The following SCG5 variants were observed in gnomAD, a reference collection of about 807,000 sequenced individuals.
SCG5 encodes neuroendocrine protein 7B2.
SCG5 carries 18 observed loss-of-function variants against 25.7 expected under a neutral mutation model. The observed-to-expected ratio is 0.70, with a 90% CI of 0.48 to 1.04. The LOEUF is 1.04. Ranked by LOEUF, SCG5 falls within the 50% of genes least tolerant of loss-of-function variation. The pLI is 0.00. For missense variants in SCG5, 206 were observed against 259.8 expected, an observed-to-expected ratio of 0.79 and a Z score of 1.42; for synonymous variants, 101 against 91.7, an observed-to-expected ratio of 1.10 and a Z score of -0.58.
chr15:32,695,055 G>A (rs1030334387), intron 5 of SCG5, among the ~76,000 whole-genome samples: 7 of 145,884 alleles, frequency 4.8e-5, no homozygotes, highest in Admixed American at 1.4e-4. Context: ...TCGCTCTGTC[G>A]CCCAGGCTGG....
intron 2 of SCG5, among the ~76,000 whole-genome samples, chr15:32,663,872 C>T (rs924392718): frequency 1.3e-5 from 2 of 152,242 alleles, no homozygotes; most frequent in African/African-American, 4.8e-5. Flanking sequence ...TTCGCCACAT[C>T]TACACTGCAA....
chr15:32,666,804 T>C (rs929462860), intron 2 of SCG5, among the ~76,000 whole-genome samples: 4 of 152,240 alleles, frequency 2.6e-5, no homozygotes, highest in African/African-American at 9.6e-5. Context: ...GTTTTACAGA[T>C]GAGGTCATAC....
At position 32,649,713 on chromosome 15, in the gene SCG5, T is replaced by C. The variant is rs1331104213; in HGVS notation, c.226+5895T>C. On this transcript the variant is annotated intron_variant, in intron 2 of 5. Transcript: ENST00000300175. ...TAAAAACAGCTTGGTAAGGAGCATC[T>C]TTCAAATGTGTAAATTCTTAGTCCA... Among the ~76,000 whole-genome samples, 3 of 152,090 alleles carry C rather than the reference T, an allele frequency of 2.0e-5. No homozygotes were observed. In the East Asian group the frequency reaches 5.8e-4, roughly 29 times the overall value.
chr15:32,686,648 T>C (rs993085279), intron 4 of SCG5, among the ~76,000 whole-genome samples: 1 of 151,378 alleles, frequency 6.6e-6, no homozygotes, highest in African/African-American at 2.4e-5. Flanking sequence ...TGGGAAGAGA[T>C]CCACAAGAGG....
chr15:32,696,283 A>T (rs978937750), intron 5 of SCG5, among the ~76,000 whole-genome samples: 170 of 151,894 alleles, frequency 1.1e-3, no homozygotes, highest in African/African-American at 3.9e-3. Context: ...ACGCCCGGCT[A>T]ATTTTTTGTA....
chr15:32,661,514 G>A (rs1486099159), intron 2 of SCG5, among the ~76,000 whole-genome samples: 1 of 152,170 alleles, frequency 6.6e-6, no homozygotes, highest in Non-Finnish European at 1.5e-5. Context: ...CAGCTACTAG[G>A]GAGGCTGAGG....
chr15:32,684,988 G>A (rs2054680874), intron 4 of SCG5, among the ~76,000 whole-genome samples: 1 of 152,090 alleles, frequency 6.6e-6, no homozygotes, highest in Non-Finnish European at 1.5e-5. Flanking sequence ...CATCTCTATA[G>A]GGTTTTATCA....
At chr15:32,692,263 C>T (rs2054872839) in intron 5 of SCG5, 1 of 987,450 alleles carries the variant, frequency 1.0e-6, no homozygotes, top group Admixed American at 6.1e-5. Context: ...ATCTTTTTTT[C>T]TTGGCCTAGC....
intron 2 of SCG5, among the ~76,000 whole-genome samples, chr15:32,669,577 G>C (rs978776491): frequency 6.6e-6 from 1 of 152,160 alleles, no homozygotes; most frequent in African/African-American, 2.4e-5. Flanking sequence ...GACATGCTTA[G>C]CCTTCATACA....
At chr15:32,680,554 A>G (rs1295886459) in intron 3 of SCG5, among the ~76,000 whole-genome samples, 3 of 152,018 alleles carry the variant, frequency 2.0e-5, no homozygotes, top group Non-Finnish European at 4.4e-5. Context: ...TTTCCATGAT[A>G]CAACTTCTGC....
chr15:32,651,345 A>G (rs2054028591), intron 2 of SCG5, among the ~76,000 whole-genome samples: 1 of 152,246 alleles, frequency 6.6e-6, no homozygotes, highest in African/African-American at 2.4e-5. Context: ...GGCTACTTGA[A>G]GAGGCAGATC....
chr15:32,649,685 C>G (rs2054002224), intron 2 of SCG5, among the ~76,000 whole-genome samples: 1 of 151,890 alleles, frequency 6.6e-6, no homozygotes, highest in Admixed American at 6.6e-5. Context: ...TCCGTGGGCG[C>G]CTTAAAAACA....
chr15:32,679,630 G>T, intron 2 of SCG5, 136 bp from the exon 3 acceptor site: 1 of 925,084 alleles, frequency 1.1e-6, no homozygotes. Flanking sequence ...ACCCCTAGAG[G>T]GCAAGAACCA....
At chr15:32,665,085 A>G (rs1209904180) in intron 2 of SCG5, among the ~76,000 whole-genome samples, 3 of 152,170 alleles carry the variant, frequency 2.0e-5, no homozygotes, top group African/African-American at 7.2e-5. Flanking sequence ...ACTTTTCAAG[A>G]TTTACATGAC....
intron 2 of SCG5, among the ~76,000 whole-genome samples, chr15:32,671,394 TGGAGGAAGCAGAAACTG>T (rs1470430792): frequency 6.6e-6 from 1 of 152,162 alleles, no homozygotes; most frequent in Admixed American, 6.5e-5. Context: ...TTACTTGGGA[TGGAGGAAGCAGAAACTG>T]GGAGTCAGAC....
chr15:32,675,881 T>C (rs2140562181), intron 2 of SCG5, among the ~76,000 whole-genome samples: 1 of 152,358 alleles, frequency 6.6e-6, no homozygotes, highest in East Asian at 1.9e-4. Context: ...TTATATATTA[T>C]GTGCTCAATG....
At chr15:32,692,086 C>T in intron 5 of SCG5, 1 of 1,182,896 alleles carries the variant, frequency 8.5e-7, no homozygotes, top group Non-Finnish European at 1.0e-6. Context: ...TCTGTCTGCC[C>T]TCCCAGGGTC....
chr15:32,657,209 A>ATATATATATATATG, intron 2 of SCG5, among the ~76,000 whole-genome samples: 2,350 of 38,722 alleles, frequency 0.061, 671 homozygotes, highest in East Asian at 0.37. Flanking sequence ...GTATATATAT[A>ATATATATATATATG]TATGTATGTA....
intron 2 of SCG5, among the ~76,000 whole-genome samples, chr15:32,666,095 A>G (rs899345685): frequency 1.3e-5 from 2 of 152,218 alleles, no homozygotes; most frequent in African/African-American, 2.4e-5. Context: ...GAATCTTACA[A>G]TAAACAAATA....
Sources: allele counts gnomAD v4.1 joint callset (sites outside exome capture counted in the v4.1 genomes callset), GRCh38; gene constraint gnomAD v4.1.1; transcripts MANE v1.5; gene names NCBI Gene and HGNC (gene_info 2026-07-23, HGNC 2026-07-21).